CDYL2: variants seen among roughly 807,000 people sequenced by gnomAD.
CDYL2 encodes the protein chromodomain Y like 2.
CDYL2 carries 23 observed loss-of-function variants against 49.4 expected under a neutral mutation model. The ratio of observed to expected loss-of-function variants is 0.47; its 90% confidence interval spans 0.34 to 0.66. The LOEUF (loss-of-function observed/expected upper bound fraction) is 0.66. Ranked by LOEUF, CDYL2 falls within the 30% of genes least tolerant of loss-of-function variation. CDYL2 has a pLI of 0.01. For synonymous variants in CDYL2, 360 were observed against 268.8 expected (o/e 1.34, Z -3.32); for missense variants, 678 against 656.4 (o/e 1.03, Z -0.36).
intron 1 of CDYL2, among the ~76,000 whole-genome samples, chr16:80,708,640 G>C (rs1027615690): frequency 6.6e-6 from 1 of 152,094 alleles, no homozygotes; most frequent in Admixed American, 6.5e-5. Flanking sequence ...AACTCAACCT[G>C]TCCCACCTGG....
Position 80,604,618 on chromosome 16 carries a change from T to G in CDYL2, c.1363-72A>C, listed in dbSNP as rs1158148793. On this transcript the variant is annotated intron_variant, in intron 6 of 6. Transcript: ENST00000570137. ...GCTCCAGAACTAGGTACCTGGCCCA[T>G]GGGGCACTGGCCAACCTCCCATACT... 1.0e-5 allele frequency: 16 copies of G among 1,539,522 alleles called. No homozygotes were observed. The South Asian group carries it at 1.6e-4, about 15-fold the overall frequency.
At chr16:80,637,906 T>C (rs1907912118) in intron 2 of CDYL2, among the ~76,000 whole-genome samples, 1 of 152,188 alleles carries the variant, frequency 6.6e-6, no homozygotes, top group South Asian at 2.1e-4. Context: ...TACGTAAATG[T>C]TAAAACTTTA....
intron 2 of CDYL2, among the ~76,000 whole-genome samples, chr16:80,649,779 T>C (rs142506429): frequency 1.4e-4 from 21 of 152,206 alleles, no homozygotes; most frequent in Non-Finnish European, 2.5e-4. Flanking sequence ...CAGAGATGAA[T>C]AGAACAGAAT....
intron 1 of CDYL2, among the ~76,000 whole-genome samples, chr16:80,712,705 G>C (rs971101003): frequency 6.6e-6 from 1 of 152,168 alleles, no homozygotes; most frequent in African/African-American, 2.4e-5. Context: ...CTAAGCTACA[G>C]TGTACAGCTC....
At chr16:80,696,118 C>G (rs530602978) in intron 1 of CDYL2, among the ~76,000 whole-genome samples, 1 of 152,020 alleles carries the variant, frequency 6.6e-6, no homozygotes, top group Admixed American at 6.6e-5. Context: ...TACAAATAAT[C>G]GAAATTAAGC....
intron 3 of CDYL2, chr16:80,627,948 T>C (rs1220425176): frequency 6.6e-6 from 1 of 152,244 alleles, no homozygotes; most frequent in Admixed American, 6.5e-5. Context: ...GGCGTGGGTT[T>C]ACACCCAGAT....
intron 1 of CDYL2, among the ~76,000 whole-genome samples, chr16:80,800,838 C>G (rs1279479411): frequency 6.6e-6 from 1 of 152,174 alleles, no homozygotes; most frequent in African/African-American, 2.4e-5. Context: ...GAGAGCCTAT[C>G]CCACTGATTA....
intron 2 of CDYL2, among the ~76,000 whole-genome samples, chr16:80,647,566 G>A (rs1362635677): frequency 6.6e-6 from 1 of 152,126 alleles, no homozygotes; most frequent in East Asian, 1.9e-4. Context: ...TAGAGCTAAA[G>A]AGACAGACCC....
intron 2 of CDYL2, among the ~76,000 whole-genome samples, chr16:80,678,502 C>A (rs1349741912): frequency 1.3e-5 from 2 of 152,116 alleles, no homozygotes; most frequent in Admixed American, 6.5e-5. Flanking sequence ...CCAAAAGACA[C>A]ATGAAAAAAT....
chr16:80,799,429 T>G (rs1907860826), intron 1 of CDYL2, among the ~76,000 whole-genome samples: 1 of 152,170 alleles, frequency 6.6e-6, no homozygotes, highest in Non-Finnish European at 1.5e-5. Flanking sequence ...TGATCATCAT[T>G]GTTCCCCAAG....
chr16:80,767,393 G>A (rs921970503), intron 1 of CDYL2, among the ~76,000 whole-genome samples: 5 of 152,116 alleles, frequency 3.3e-5, no homozygotes, highest in African/African-American at 1.2e-4. Context: ...CTTAATTTCA[G>A]TTATTACTTT....
At chr16:80,646,455 G>C (rs148467245) in intron 2 of CDYL2, among the ~76,000 whole-genome samples, 135 of 152,114 alleles carry the variant, frequency 8.9e-4, no homozygotes, top group Non-Finnish European at 1.7e-3. Flanking sequence ...GAATGTGAAT[G>C]TACTAAACTC....
chr16:80,743,819 T>C (rs1211669471), intron 1 of CDYL2, among the ~76,000 whole-genome samples: 1 of 152,174 alleles, frequency 6.6e-6, no homozygotes, highest in African/African-American at 2.4e-5. Context: ...AAGTAAGAAC[T>C]GAAAGCAACA....
chr16:80,726,401 C>T (rs1325594673), intron 1 of CDYL2, among the ~76,000 whole-genome samples: 1 of 152,122 alleles, frequency 6.6e-6, no homozygotes, highest in Non-Finnish European at 1.5e-5. Flanking sequence ...TAACATTTTA[C>T]TAAAATAACA....
chr16:80,776,627 GTATT>G (rs1907092352), intron 1 of CDYL2, among the ~76,000 whole-genome samples: 1 of 149,656 alleles, frequency 6.7e-6, no homozygotes, highest in Admixed American at 6.7e-5. Context: ...AATATTTTGT[GTATT>G]TATATTTTAA....
At chr16:80,606,191 C>G (rs1006461195) in intron 6 of CDYL2, among the ~76,000 whole-genome samples, 3 of 152,248 alleles carry the variant, frequency 2.0e-5, no homozygotes, top group Non-Finnish European at 4.4e-5. Context: ...GCTGCCAGAC[C>G]CAGCTGGCTC....
chr16:80,804,237 G>A lies in CDYL2; in HGVS notation c.-64C>T. 7.6e-7 allele frequency: 1 copy of A among 1,314,914 alleles called. No homozygotes were observed. The allele number at this position is 1,314,914 out of a possible 1,614,324, so 81.5% of individuals were successfully genotyped here. A position where few individuals can be genotyped will look rare whatever the true frequency, so the allele number is the denominator to read the frequency against. On this transcript the variant is annotated 5_prime_UTR_variant, in exon 1 of 7. Coordinates refer to ENST00000570137, the MANE Select transcript of CDYL2 (RefSeq NM_152342.4). ...GCTCGCTCGCGCCCTCCGTGCGTGT[G>A]CGCGCGGGGTCCGGTGTGCGCGTGT...
chr16:80,651,001 A>C (rs1006254520), intron 2 of CDYL2, among the ~76,000 whole-genome samples: 2 of 151,812 alleles, frequency 1.3e-5, no homozygotes, highest in Non-Finnish European at 2.9e-5. Context: ...GAAGTGGTTA[A>C]GGAGTACAAA....
intron 3 of CDYL2, among the ~76,000 whole-genome samples, chr16:80,623,925 T>C (rs1907193387): frequency 6.6e-6 from 1 of 152,074 alleles, no homozygotes; most frequent in South Asian, 2.1e-4. Flanking sequence ...AGCAGATCCT[T>C]CTCCCCTCCC....
Sources: allele counts gnomAD v4.1 joint callset (sites outside exome capture counted in the v4.1 genomes callset), GRCh38; gene constraint gnomAD v4.1.1; transcripts MANE v1.5; gene names NCBI Gene and HGNC (gene_info 2026-07-23, HGNC 2026-07-21).